XKR6: variants seen among roughly 807,000 people sequenced by gnomAD.
XKR6 encodes XK-related protein 6.
A neutral mutation model predicts 56.7 loss-of-function variants in XKR6; 22 were observed. The ratio of observed to expected loss-of-function variants is 0.39; its 90% confidence interval spans 0.28 to 0.55. The LOEUF (loss-of-function observed/expected upper bound fraction) is 0.55, where lower values mean the gene tolerates loss of function less well. XKR6 is among the 20% of genes least tolerant of loss of function. The pLI, the probability that XKR6 is intolerant of heterozygous loss-of-function variation, is 0.66. For missense variants in XKR6, 852 were observed against 889.0 expected (o/e 0.96, Z 0.53); for synonymous variants, 524 against 387.8 (o/e 1.35, Z -4.13).
Position 10,896,109 on chromosome 8 carries a change from A to AC in XKR6, c.*1842_*1843insG, listed in dbSNP as rs1177317083. 6.9e-6 allele frequency: 1 copy of AC among 144,642 alleles called. No homozygotes were observed. The highest frequency in any genetic ancestry group is 1.5e-5 in the Non-Finnish European group (1 of 65,786). The allele number at this position is 144,642 out of a possible 1,614,324, so 9.0% of individuals were successfully genotyped here. A position where few individuals can be genotyped will look rare whatever the true frequency, so the allele number is the denominator to read the frequency against. ...TATATATATATATATATATATACTT[A>AC]TTATATATCTTTTTTGTGATTTTTT... is the stretch of plus-strand genomic sequence containing the variant. On this transcript the variant is annotated 3_prime_UTR_variant, in exon 3 of 3. Coordinates refer to ENST00000416569, the MANE Select transcript of XKR6 (RefSeq NM_173683.4).
chr8:10,939,424 G>T (rs575402891), intron 1 of XKR6, among the ~76,000 whole-genome samples: 1 of 152,172 alleles, frequency 6.6e-6, no homozygotes, highest in Non-Finnish European at 1.5e-5. Flanking sequence ...GGATCACCAG[G>T]ATTTAAGGGA....
chr8:11,192,138 C>A (rs919835084), intron 1 of XKR6, among the ~76,000 whole-genome samples: 1 of 151,966 alleles, frequency 6.6e-6, no homozygotes, highest in Non-Finnish European at 1.5e-5. Context: ...GGCAATATAG[C>A]AAGACCCCAT....
intron 1 of XKR6, among the ~76,000 whole-genome samples, chr8:11,142,587 A>T (rs1198752806): frequency 6.6e-6 from 1 of 152,048 alleles, no homozygotes. Context: ...ATTGCTTACA[A>T]GTGTGTGGCA....
chr8:10,999,591 G>T (rs1340737450), intron 1 of XKR6, among the ~76,000 whole-genome samples: 2 of 152,134 alleles, frequency 1.3e-5, no homozygotes, highest in Non-Finnish European at 2.9e-5. Flanking sequence ...TATGGTGAAG[G>T]GAGTATCCTC....
At chr8:11,160,361 T>G (rs2117008465) in intron 1 of XKR6, among the ~76,000 whole-genome samples, 1 of 151,712 alleles carries the variant, frequency 6.6e-6, no homozygotes, top group Middle Eastern at 3.4e-3. Context: ...GGAATAATGG[T>G]GAGTCTGAAG....
At chr8:10,912,183 T>G (rs1325165588) in intron 2 of XKR6, among the ~76,000 whole-genome samples, 2 of 148,064 alleles carry the variant, frequency 1.4e-5, no homozygotes, top group African/African-American at 5.0e-5. Flanking sequence ...AGGGTATGTG[T>G]ATATATAGAG....
intron 1 of XKR6, among the ~76,000 whole-genome samples, chr8:11,002,920 T>A (rs1202522024): frequency 6.6e-6 from 1 of 152,134 alleles, no homozygotes; most frequent in African/African-American, 2.4e-5. Context: ...AATCATGATG[T>A]TGAATCAGAT....
chr8:11,168,631 CTA>C (rs1206491727), intron 1 of XKR6, among the ~76,000 whole-genome samples: 2 of 152,166 alleles, frequency 1.3e-5, no homozygotes, highest in Admixed American at 1.3e-4. Flanking sequence ...CCAGAAGAGA[CTA>C]TGTTTGTCCA....
chr8:11,068,886 A>G (rs1800047163), intron 1 of XKR6, among the ~76,000 whole-genome samples: 1 of 152,214 alleles, frequency 6.6e-6, no homozygotes, highest in Non-Finnish European at 1.5e-5. Context: ...CCCGTCAGGA[A>G]GAATCTCCTC....
intron 1 of XKR6, among the ~76,000 whole-genome samples, chr8:10,974,167 C>G (rs1802487334): frequency 6.6e-6 from 1 of 152,206 alleles, no homozygotes; most frequent in South Asian, 2.1e-4. Flanking sequence ...CCAGGAGGTA[C>G]TTGGCAGCTT....
chr8:11,062,059 G>A (rs909134290), intron 1 of XKR6, among the ~76,000 whole-genome samples: 1 of 152,168 alleles, frequency 6.6e-6, no homozygotes, highest in African/African-American at 2.4e-5. Flanking sequence ...GCATTCCATG[G>A]GACAGACAGG....
intron 1 of XKR6, among the ~76,000 whole-genome samples, chr8:11,014,496 G>C (rs1798572956): frequency 1.3e-5 from 2 of 152,192 alleles, no homozygotes; most frequent in African/African-American, 4.8e-5. Context: ...TAAGGTTGGA[G>C]CCTCCCCTTT....
At chr8:11,189,943 G>A (rs1467737090) in intron 1 of XKR6, among the ~76,000 whole-genome samples, 5 of 152,030 alleles carry the variant, frequency 3.3e-5, no homozygotes, top group Non-Finnish European at 4.4e-5. Flanking sequence ...GATCACCTGA[G>A]GTCAGCAGTT....
At chr8:11,118,618 G>C (rs1388593014) in intron 1 of XKR6, among the ~76,000 whole-genome samples, 1 of 152,188 alleles carries the variant, frequency 6.6e-6, no homozygotes, top group East Asian at 1.9e-4. Context: ...AGTATTCTCT[G>C]ATGGTAGTTT....
At chr8:11,088,871 C>T (rs1797978295) in intron 1 of XKR6, among the ~76,000 whole-genome samples, 2 of 152,148 alleles carry the variant, frequency 1.3e-5, no homozygotes. Context: ...AGGTATAAGG[C>T]AATATGTGAT....
intron 1 of XKR6, among the ~76,000 whole-genome samples, chr8:11,094,947 G>T (rs1269602106): frequency 2.0e-5 from 3 of 152,090 alleles, no homozygotes; most frequent in African/African-American, 7.2e-5. Context: ...TTAATACCTG[G>T]GTGATGGGAT....
intron 1 of XKR6, among the ~76,000 whole-genome samples, chr8:11,119,310 A>T (rs1226173725): frequency 6.6e-6 from 1 of 152,202 alleles, no homozygotes. Context: ...AGAGTTCTGT[A>T]GATGTCTATT....
intron 1 of XKR6, among the ~76,000 whole-genome samples, chr8:11,145,519 C>G (rs1800935555): frequency 1.3e-5 from 2 of 152,046 alleles, no homozygotes; most frequent in South Asian, 4.1e-4. Flanking sequence ...TAAGACTTAG[C>G]AAGATTGCAG....
intron 1 of XKR6, chr8:11,108,902 T>C (rs182040566): frequency 6.6e-6 from 1 of 152,420 alleles, no homozygotes; most frequent in East Asian, 1.9e-4. Flanking sequence ...ATTTCTTCAA[T>C]TTTCCAAAGA....
Sources: allele counts gnomAD v4.1 joint callset (sites outside exome capture counted in the v4.1 genomes callset), GRCh38; gene constraint gnomAD v4.1.1; transcripts MANE v1.5; gene names NCBI Gene and HGNC (gene_info 2026-07-23, HGNC 2026-07-21).